Variants in RBFOX1 observed in about 807,000 individuals in gnomAD.
RBFOX1 encodes the protein RNA binding protein fox-1 homolog 1.
Under a neutral mutation model 57.7 loss-of-function variants are expected in RBFOX1, and 8 were observed. The ratio of observed to expected loss-of-function variants is 0.14; its 90% CI spans 0.08 to 0.25. RBFOX1 has a LOEUF of 0.25. Among genes scored for constraint, RBFOX1 ranks in the 10% least tolerant of loss-of-function variants. RBFOX1 has a pLI of 1.00. For synonymous variants in RBFOX1, 326 were observed against 222.4 expected, an observed-to-expected ratio of 1.47 and a Z score of -4.15; for missense variants, 611 against 548.5, an observed-to-expected ratio of 1.11 and a Z score of -1.14.
intron 3 of RBFOX1, among the ~76,000 whole-genome samples, chr16:7,034,841 CT>C (rs1255430430): frequency 5.1e-5 from 2 of 39,166 alleles, no homozygotes; most frequent in African/African-American, 2.4e-4. Context: ...TTTTTTTTTT[CT>C]TTTTTCTTTT....
At chr16:5,635,924 A>G (rs1041958453) in intron 3 of RBFOX1, among the ~76,000 whole-genome samples, 8 of 152,206 alleles carry the variant, frequency 5.3e-5, no homozygotes, top group Admixed American at 4.6e-4. Flanking sequence ...AAACTATTTA[A>G]CATTCCAGGT....
At chr16:6,915,156 C>G (rs1033009990) in intron 3 of RBFOX1, among the ~76,000 whole-genome samples, 2 of 152,194 alleles carry the variant, frequency 1.3e-5, no homozygotes, top group African/African-American at 4.8e-5. Flanking sequence ...GACTCGGGGT[C>G]AAGGCACTGG....
chr16:6,294,191 C>CA (rs1477428011), intron 1 of RBFOX1, among the ~76,000 whole-genome samples: 2 of 151,900 alleles, frequency 1.3e-5, no homozygotes, highest in African/African-American at 4.8e-5. Context: ...CTAAAGAAAA[C>CA]AAAAATAGAT....
intron 1 of RBFOX1, among the ~76,000 whole-genome samples, chr16:6,122,435 T>A (rs1319686682): frequency 6.6e-6 from 1 of 151,780 alleles, no homozygotes; most frequent in Non-Finnish European, 1.5e-5. Context: ...AATTCTTGAA[T>A]GAACAAATGC....
chr16:7,108,606 A>T (rs1198218909), intron 4 of RBFOX1, among the ~76,000 whole-genome samples: 1 of 152,138 alleles, frequency 6.6e-6, no homozygotes, highest in East Asian at 1.9e-4. Flanking sequence ...TTTGTTAGAG[A>T]TATGATTAAT....
intron 3 of RBFOX1, among the ~76,000 whole-genome samples, chr16:6,975,646 G>GC (rs1382630965): frequency 6.6e-6 from 1 of 152,148 alleles, no homozygotes; most frequent in African/African-American, 2.4e-5. Context: ...AAAAGACTGA[G>GC]CCACATGATC....
At chr16:6,490,233 A>G (rs533223275) in intron 2 of RBFOX1, among the ~76,000 whole-genome samples, 1 of 152,360 alleles carries the variant, frequency 6.6e-6, no homozygotes, top group African/African-American at 2.4e-5. Context: ...GACACATTTT[A>G]TTCTGCTTTA....
intron 1 of RBFOX1, among the ~76,000 whole-genome samples, chr16:6,266,724 AAAG>A (rs564904972): frequency 1.8e-4 from 28 of 151,818 alleles, no homozygotes; most frequent in East Asian, 1.5e-3. Context: ...AAAAAAAAAA[AAAG>A]AAGAAGAAGA....
chr16:7,122,851 G>C (rs982795326), intron 4 of RBFOX1, among the ~76,000 whole-genome samples: 2 of 152,122 alleles, frequency 1.3e-5, no homozygotes, highest in Non-Finnish European at 2.9e-5. Context: ...TGTACACGTG[G>C]AATACTACTG....
At chr16:6,761,991 C>T (rs557983236) in intron 3 of RBFOX1, among the ~76,000 whole-genome samples, 2 of 152,222 alleles carry the variant, frequency 1.3e-5, no homozygotes, top group South Asian at 4.2e-4. Flanking sequence ...TTCTCACGTG[C>T]CGCTCAAGCT....
chr16:6,019,276 C>G lies in RBFOX1; in HGVS notation c.-843C>G, dbSNP rs2095023637. On this transcript the variant is annotated 5_prime_UTR_variant, in exon 1 of 16. Transcript: ENST00000550418. The surrounding 1 kb of genome is among the most constrained non-coding windows in gnomAD (Gnocchi z 4.2). ...ATCACCCCAGCCCCCTTCCTGGTCT[C>G]CCGAGCGCGGGGTTTGAAGGTCACC... The G allele has an allele frequency of 1.0e-6, 1 of 985,298 alleles. No homozygotes were observed. The allele number at this position is 985,298 out of a possible 1,614,324, so 61.0% of individuals were successfully genotyped here. A position where few individuals can be genotyped will look rare whatever the true frequency, so the allele number is the denominator to read the frequency against.
At chr16:6,549,678 C>G (rs951269910) in intron 2 of RBFOX1, among the ~76,000 whole-genome samples, 4 of 151,992 alleles carry the variant, frequency 2.6e-5, no homozygotes, top group African/African-American at 9.7e-5. Context: ...AATCCCTAGA[C>G]GATAGGGCTG....
chr16:6,953,938 G>A (rs2081269439), intron 3 of RBFOX1, among the ~76,000 whole-genome samples: 1 of 152,148 alleles, frequency 6.6e-6, no homozygotes, highest in Non-Finnish European at 1.5e-5. Context: ...TTTCCTGACA[G>A]AGGAGTAACC....
rs766792312 is a variant in RBFOX1 at position 5,865,421 on chromosome 16, C to T, written c.319-1882C>T. 1.3e-3 allele frequency among the ~76,000 whole-genome samples: 192 copies of T among 152,188 alleles called. 1 individual carries two copies. Among genetic ancestry groups the T allele is most frequent in the Non-Finnish European group, 2.3e-3 (155 of 68,012 alleles). ...CATGAGTTTCCCCATGGCTGGGCCC[C>T]GGATTCATGGCTTGGCAAGCCTTCA... On this transcript the variant is annotated intron_variant, in intron 3 of 19. Transcript: ENST00000641259.
chr16:7,355,778 T>A (rs918953442), intron 4 of RBFOX1, among the ~76,000 whole-genome samples: 1 of 152,236 alleles, frequency 6.6e-6, no homozygotes, highest in Non-Finnish European at 1.5e-5. Context: ...GTGCTCAAAC[T>A]GGACATCATC....
chr16:7,205,210 C>T (rs1034921507), intron 4 of RBFOX1, among the ~76,000 whole-genome samples: 1 of 151,906 alleles, frequency 6.6e-6, no homozygotes, highest in Non-Finnish European at 1.5e-5. Context: ...TGGAAAACTC[C>T]AGTTGAGTGA....
chr16:7,576,291 T>C (rs1473954887), intron 5 of RBFOX1, among the ~76,000 whole-genome samples: 1 of 152,150 alleles, frequency 6.6e-6, no homozygotes, highest in African/African-American at 2.4e-5. Flanking sequence ...GTGACCTGCC[T>C]AAGATTAGCA....
At chr16:5,876,907 G>A (rs182625305) in intron 4 of RBFOX1, among the ~76,000 whole-genome samples, 1 of 152,264 alleles carries the variant, frequency 6.6e-6, no homozygotes, top group Non-Finnish European at 1.5e-5. Flanking sequence ...ACAGTGGTGG[G>A]GCTTTCATGG....
At chr16:5,971,443 G>GT (rs957520597) in intron 4 of RBFOX1, among the ~76,000 whole-genome samples, 10 of 152,100 alleles carry the variant, frequency 6.6e-5, no homozygotes, top group Non-Finnish European at 1.2e-4. Flanking sequence ...GAGGTAATTT[G>GT]TTTTTGTTTT....
Sources: gnomAD v4.1 joint callset for allele counts (sites outside exome capture counted in the v4.1 genomes callset) on GRCh38, gnomAD v4.1.1 for gene constraint, Gnocchi (gnomAD v3.1) non-coding constraint, MANE v1.5 for transcripts, NCBI Gene and HGNC (gene_info 2026-07-23, HGNC 2026-07-21) for gene names.